Variants in GRM7 observed in about 807,000 individuals in gnomAD.
GRM7 encodes glutamate metabotropic receptor 7.
In GRM7, 35 loss-of-function variants were observed where a neutral mutation model predicts 84.5. That is an observed-to-expected ratio of 0.41 (90% confidence interval 0.32 to 0.55). The LOEUF is 0.55. GRM7 is among the 20% of genes least tolerant of loss of function. The pLI is 0.19. For synonymous variants in GRM7, 487 were observed against 455.1 expected, an observed-to-expected ratio of 1.07 and a Z score of -0.89; for missense variants, 1,003 against 1,194.6, an observed-to-expected ratio of 0.84 and a Z score of 2.36.
intron 4 of GRM7, among the ~76,000 whole-genome samples, chr3:7,342,660 CAGAG>C (rs1692695978): frequency 7.1e-6 from 1 of 140,130 alleles, no homozygotes; most frequent in Admixed American, 7.1e-5. Flanking sequence ...CCATCCCAGA[CAGAG>C]AATCTAACTC....
chr3:7,314,458 T>C (rs1301926257), intron 4 of GRM7, among the ~76,000 whole-genome samples: 1 of 152,194 alleles, frequency 6.6e-6, no homozygotes, highest in Admixed American at 6.5e-5. Flanking sequence ...GTCTGCTGTT[T>C]GTCAGACACT....
At chr3:7,679,897 T>A in intron 8 of GRM7, 152 bp from the exon 9 acceptor site, 1 of 662,824 alleles carries the variant, frequency 1.5e-6, no homozygotes. Flanking sequence ...CCAATAACTG[T>A]GCAGAGTTAT....
chr3:7,336,713 A>G lies in GRM7; in HGVS notation c.1033+30061A>G, dbSNP rs554953858. 3.9e-5 allele frequency among the ~76,000 whole-genome samples: 6 copies of G among 152,204 alleles called. No homozygotes were observed. In the East Asian group the frequency reaches 5.8e-4, roughly 15 times the overall value. On this transcript the variant is annotated intron_variant, in intron 4 of 9. Transcript: ENST00000357716. ...AGTAAAGTTTCAGGATACAAAATCA[A>G]TGTACACAAATCAGTAGTACGGCTA... is the stretch of plus-strand genomic sequence containing the variant.
intron 1 of GRM7, among the ~76,000 whole-genome samples, chr3:7,043,071 A>G (rs965698799): frequency 1.1e-4 from 16 of 152,180 alleles, no homozygotes; most frequent in African/African-American, 3.6e-4. Flanking sequence ...CCAATGCTCC[A>G]TACATTATGA....
chr3:7,335,239 T>A (rs1701357685), intron 4 of GRM7, among the ~76,000 whole-genome samples: 2 of 152,216 alleles, frequency 1.3e-5, no homozygotes, highest in East Asian at 3.9e-4. Context: ...GAAATAAAAT[T>A]GGAAACTAAC....
intron 1 of GRM7, among the ~76,000 whole-genome samples, chr3:7,103,816 T>TTCTTTCTTTTTCTTTC (rs1553617438): frequency 5.3e-4 from 47 of 89,110 alleles, no homozygotes; most frequent in Non-Finnish European, 9.6e-4. Context: ...CTTTCTTTCT[T>TTCTTTCTTTTTCTTTC]TCTCTCTCTC....
intron 7 of GRM7, among the ~76,000 whole-genome samples, chr3:7,475,893 G>T (rs1698902543): frequency 6.6e-6 from 1 of 152,174 alleles, no homozygotes; most frequent in Non-Finnish European, 1.5e-5. Flanking sequence ...ACCATCTGGA[G>T]CTACTATGGG....
intron 2 of GRM7, among the ~76,000 whole-genome samples, chr3:7,165,958 ATTTC>A (rs1409245886): frequency 6.6e-6 from 1 of 152,154 alleles, no homozygotes; most frequent in Admixed American, 6.5e-5. Flanking sequence ...GAAATATGTT[ATTTC>A]TTTAATGTTA....
chr3:7,544,441 G>A (rs1445141591), intron 7 of GRM7, among the ~76,000 whole-genome samples: 1 of 152,162 alleles, frequency 6.6e-6, no homozygotes, highest in Non-Finnish European at 1.5e-5. Context: ...TAAATTAGGA[G>A]GAGGTAAAGT....
intron 2 of GRM7, among the ~76,000 whole-genome samples, chr3:7,233,836 T>C (rs1249541666): frequency 6.6e-6 from 1 of 152,134 alleles, no homozygotes; most frequent in Admixed American, 6.6e-5. Flanking sequence ...AGAGGACTGA[T>C]CCTTCCCCTC....
At chr3:7,642,153 G>C (rs1166680617) in intron 8 of GRM7, among the ~76,000 whole-genome samples, 1 of 152,120 alleles carries the variant, frequency 6.6e-6, no homozygotes, top group African/African-American at 2.4e-5. Flanking sequence ...GAAATTACCT[G>C]AGAGTCTTCG....
chr3:7,114,628 A>C (rs917762537), intron 1 of GRM7, among the ~76,000 whole-genome samples: 1 of 152,162 alleles, frequency 6.6e-6, no homozygotes, highest in African/African-American at 2.4e-5. Flanking sequence ...CCAATTGAGA[A>C]AACTTTTTTC....
intron 4 of GRM7, among the ~76,000 whole-genome samples, chr3:7,411,554 T>G (rs994181350): frequency 6.6e-6 from 1 of 152,216 alleles, no homozygotes; most frequent in African/African-American, 2.4e-5. Context: ...CACATATGAC[T>G]GCCTCATTAA....
Position 7,616,568 on chromosome 3 carries a change from C to A in GRM7, c.2451+37211C>A, listed in dbSNP as rs747871601. 2.0e-5 allele frequency among the ~76,000 whole-genome samples: 3 copies of A among 152,240 alleles called. No homozygotes were observed. In the South Asian group the frequency reaches 6.2e-4, roughly 32 times the overall value. ...CACTGAGCTTTCCTGCTACAACCCT[C>A]AAGTGTTTGTTCATTCACTAGTGAA... On this transcript the variant is annotated intron_variant, in intron 8 of 9. Transcript: ENST00000357716.
chr3:6,931,131 C>T (rs1273946117), intron 1 of GRM7, among the ~76,000 whole-genome samples: 4 of 152,206 alleles, frequency 2.6e-5, no homozygotes, highest in Non-Finnish European at 4.4e-5. Context: ...ATCAATCTTT[C>T]ATTCATTAGT....
chr3:7,583,076 A>G (rs1254686443), intron 8 of GRM7, among the ~76,000 whole-genome samples: 2 of 152,216 alleles, frequency 1.3e-5, no homozygotes, highest in Non-Finnish European at 2.9e-5. Flanking sequence ...CCAGAAATCA[A>G]GGAACCAGGA....
intron 2 of GRM7, among the ~76,000 whole-genome samples, chr3:7,178,771 A>G (rs1344711958): frequency 1.3e-5 from 2 of 151,966 alleles, no homozygotes; most frequent in African/African-American, 4.8e-5. Flanking sequence ...TTGTATGTCA[A>G]GTATGTCATA....
chr3:7,521,120 A>C (rs779773912), intron 7 of GRM7, among the ~76,000 whole-genome samples: 2 of 152,162 alleles, frequency 1.3e-5, no homozygotes, highest in African/African-American at 2.4e-5. Context: ...TGTGCAAATA[A>C]TTTTTGAATG....
intron 2 of GRM7, among the ~76,000 whole-genome samples, chr3:7,258,523 C>T (rs1698292655): frequency 6.6e-6 from 1 of 152,200 alleles, no homozygotes; most frequent in Admixed American, 6.5e-5. Context: ...GTAGTAGCCA[C>T]AGACAAATGG....
Sources: allele counts gnomAD v4.1 joint callset (sites outside exome capture counted in the v4.1 genomes callset), GRCh38; gene constraint gnomAD v4.1.1; transcripts MANE v1.5; gene names NCBI Gene and HGNC (gene_info 2026-07-23, HGNC 2026-07-21).